Variants in SLC44A3 observed in about 807,000 individuals in gnomAD.
SLC44A3 encodes the protein solute carrier family 44 member 3.
In SLC44A3, 74 loss-of-function variants were observed where a neutral mutation model predicts 75.4. The ratio of observed to expected loss-of-function variants is 0.98; its 90% CI spans 0.81 to 1.19. SLC44A3 has a LOEUF of 1.19. SLC44A3 is among the 50% of genes most tolerant of loss of function. SLC44A3 has a pLI of 0.00. For synonymous variants in SLC44A3, 310 were observed against 296.9 expected (o/e 1.04, Z -0.45); for missense variants, 700 against 778.6 (o/e 0.90, Z 1.20).
rs1450966434 is a variant in SLC44A3 at position 94,838,640 on chromosome 1, C to CCA, written c.670+772_670+773dup. Among the ~76,000 whole-genome samples, 18 of 152,166 alleles carry CCA rather than the reference C, an allele frequency of 1.2e-4. No homozygotes were observed. The East Asian group carries it at 3.5e-3, about 29-fold the overall frequency. ...TCTAACAGTTAACAAATTGAGTTTT[C>CCA]CACAATTTCATTACTAAAAGGTTCC... On this transcript the variant is annotated intron_variant, in intron 6 of 14. Transcript: ENST00000271227.
intron 11 of SLC44A3, 126 bp downstream of exon 11, chr1:94,865,025 C>A (rs1259023664): frequency 6.6e-6 from 6 of 909,238 alleles, no homozygotes; most frequent in East Asian, 2.6e-5. Flanking sequence ...CAGAAAGCTC[C>A]TGCACTCCTC....
chr1:94,882,164 A>G (rs534211940), intron 12 of SLC44A3, among the ~76,000 whole-genome samples: 1 of 152,326 alleles, frequency 6.6e-6, no homozygotes, highest in African/African-American at 2.4e-5. Context: ...TCTGCGTATT[A>G]GGTAGGTATT....
chr1:94,857,582 G>A, intron 10 of SLC44A3, 82 bp downstream of exon 10: 1 of 1,376,966 alleles, frequency 7.3e-7, no homozygotes, highest in East Asian at 2.5e-5. Flanking sequence ...AAGATATTTG[G>A]GAATGTTGAC....
At chr1:94,849,718 T>C (rs978204746) in intron 9 of SLC44A3, among the ~76,000 whole-genome samples, 1 of 152,194 alleles carries the variant, frequency 6.6e-6, no homozygotes, top group Non-Finnish European at 1.5e-5. Context: ...TGTGTGGGCG[T>C]CCTCAGTACA....
chr1:94,858,703 G>GTTTGTTTA (rs869299793), intron 10 of SLC44A3, among the ~76,000 whole-genome samples: 52 of 146,788 alleles, frequency 3.5e-4, no homozygotes, highest in Middle Eastern at 3.6e-3. Context: ...TTGTTTGTTT[G>GTTTGTTTA]TTTATTGAGA....
Position 94,864,798 on chromosome 1 carries a change from T to TTCTAC in SLC44A3, c.1295_1299dup (p.His434SerfsTer8). ...CCTTTCGTCTCTCTCCATTCTCTTC[T>TTCTAC]TCTACCATCAAGGAACCGTTGTGAA... On this transcript the variant is annotated frameshift_variant, in exon 11 of 15. Transcript: ENST00000271227. LOFTEE classifies it high-confidence loss of function. 1 of 1,614,076 alleles carries TTCTAC rather than the reference T, an allele frequency of 6.2e-7. No individual in the cohort carries two copies. The highest frequency in any genetic ancestry group is 8.5e-7 in the Non-Finnish European group (1 of 1,179,940).
At chr1:94,841,897 G>C in intron 7 of SLC44A3, 103 bp from the exon 8 acceptor site, 5 of 1,442,138 alleles carry the variant, frequency 3.5e-6, no homozygotes, top group Non-Finnish European at 4.6e-6. Context: ...GCAGTGCCAC[G>C]CGGCCGGTGG....
chr1:94,820,580 C>A, intron 1 of SLC44A3, 102 bp downstream of exon 1: 1 of 1,429,044 alleles, frequency 7.0e-7, no homozygotes, highest in South Asian at 1.4e-5. Context: ...GCCTTTCCCG[C>A]GCCTCGGGGA....
At chr1:94,827,169 A>T (rs1468201642) in intron 3 of SLC44A3, among the ~76,000 whole-genome samples, 2 of 152,234 alleles carry the variant, frequency 1.3e-5, no homozygotes, top group Non-Finnish European at 2.9e-5. Context: ...TCCATTGAAT[A>T]GTTTGTGCAT....
intron 10 of SLC44A3, among the ~76,000 whole-genome samples, chr1:94,863,892 C>G (rs1448620744): frequency 6.6e-6 from 1 of 152,198 alleles, no homozygotes; most frequent in Non-Finnish European, 1.5e-5. Context: ...TATTAGCAAC[C>G]AGAGCAAGTT....
chr1:94,887,621 G>T (rs1195361792), intron 12 of SLC44A3, among the ~76,000 whole-genome samples: 4 of 152,164 alleles, frequency 2.6e-5, no homozygotes, highest in African/African-American at 9.7e-5. Context: ...ATGAGAGATG[G>T]TGCTAAATTA....
At chr1:94,855,200 A>C (rs895774802) in intron 9 of SLC44A3, 1 of 152,132 alleles carries the variant, frequency 6.6e-6, no homozygotes, top group Non-Finnish European at 1.5e-5. Flanking sequence ...CTGAGAGGAG[A>C]GTCTGGCCCC....
intron 12 of SLC44A3, among the ~76,000 whole-genome samples, chr1:94,881,847 C>T (rs1404209022): frequency 1.8e-5 from 2 of 108,734 alleles, no homozygotes; most frequent in Non-Finnish European, 3.7e-5. Flanking sequence ...CCCGTCTCTA[C>T]TAAAAATACA....
intron 9 of SLC44A3, among the ~76,000 whole-genome samples, chr1:94,856,016 A>G (rs1665825937): frequency 6.6e-6 from 1 of 152,174 alleles, no homozygotes; most frequent in South Asian, 2.1e-4. Flanking sequence ...TTACCAGCAG[A>G]GTAAATTTGG....
rs866889433 is a variant in SLC44A3, at chr1:94,848,573, C to T, written c.1072+3109C>T. ...TGGCTGTGAATCTGGATAAGGGGAACTGTGTCTGTGGCTAGACCCCATGAT... is the reference window on the plus strand; with the variant it reads ...TGGCTGTGAATCTGGATAAGGGGAATTGTGTCTGTGGCTAGACCCCATGAT... On this transcript the variant is annotated intron_variant, in intron 9 of 14. Transcript: ENST00000271227. 6.6e-5 allele frequency among the ~76,000 whole-genome samples: 10 copies of T among 152,282 alleles called. No homozygotes were observed. The South Asian group carries it at 2.1e-3, about 32-fold the overall frequency.
Position 94,820,497 on chromosome 1 carries a change from G to C in SLC44A3, c.27+19G>C. On this transcript the variant is annotated intron_variant, in intron 1 of 14. Coordinates refer to ENST00000271227, the MANE Select transcript of SLC44A3 (RefSeq NM_001114106.3). Reference sequence around the variant, plus strand: ...GTACCTGGTAAGCGCTCGCAGCCTCGGCCCTCGGGGGAGGAGCCCCGGGGA... The same window carrying C: ...GTACCTGGTAAGCGCTCGCAGCCTCCGCCCTCGGGGGAGGAGCCCCGGGGA... 1 of 1,488,094 alleles carries C rather than the reference G, an allele frequency of 6.7e-7. No homozygotes were observed. Among genetic ancestry groups the C allele is most frequent in the Non-Finnish European group, 8.9e-7 (1 of 1,120,242 alleles). 92.2% of individuals were successfully genotyped at this position (1,488,094 alleles called of 1,614,324 possible).
rs556959816 is a variant in SLC44A3, at chr1:94,831,121, A to G, written c.509+2535A>G. 1.4e-3 allele frequency among the ~76,000 whole-genome samples: 218 copies of G among 152,332 alleles called. 1 individual carries two copies. Among genetic ancestry groups the G allele is most frequent in the Admixed American group, 2.6e-3 (40 of 15,300 alleles). ...CCTAGACTCACATCAAGCTGGGAGA[A>G]AGAGTCTCCGTATCCTGTGTCATAA... On this transcript the variant is annotated intron_variant, in intron 5 of 14. Coordinates refer to ENST00000271227, the MANE Select transcript of SLC44A3 (RefSeq NM_001114106.3).
intron 10 of SLC44A3, among the ~76,000 whole-genome samples, chr1:94,862,493 G>A (rs1571338551): frequency 6.6e-6 from 1 of 152,310 alleles, no homozygotes; most frequent in East Asian, 1.9e-4. Flanking sequence ...GACTTGGATG[G>A]ATGGGACCAT....
intron 9 of SLC44A3, 96 bp from the exon 10 acceptor site, chr1:94,857,239 T>G: frequency 7.7e-7 from 1 of 1,298,542 alleles, no homozygotes; most frequent in Non-Finnish European, 1.0e-6. Context: ...TTTTATGTAA[T>G]GCCAAAGGCC....
Sources: gnomAD v4.1 joint callset for allele counts (sites outside exome capture counted in the v4.1 genomes callset) on GRCh38, gnomAD v4.1.1 for gene constraint, MANE v1.5 for transcripts, NCBI Gene and HGNC (gene_info 2026-07-23, HGNC 2026-07-21) for gene names.